SMARCAD1: variants seen among roughly 807,000 people sequenced by gnomAD.
SMARCAD1 encodes SNF2 related chromatin remodeling ATPase with DExD box 1, also known as SWI/SNF-related matrix-associated actin-dependent regulator of chromatin subfamily A containing DEAD/H box 1.
SMARCAD1 carries 25 observed loss-of-function variants against 127.1 expected under a neutral mutation model. The ratio of observed to expected loss-of-function variants is 0.20; its 90% CI spans 0.14 to 0.27. The LOEUF is 0.27. Among genes scored for constraint, SMARCAD1 ranks in the 10% least tolerant of loss-of-function variants. The pLI, the probability that SMARCAD1 is intolerant of heterozygous loss-of-function variation, is 1.00. For synonymous variants in SMARCAD1, 400 were observed against 396.9 expected (o/e 1.01, Z -0.09); for missense variants, 807 against 1,206.0 (o/e 0.67, Z 4.90).
chr4:94,268,997 T>C (rs1431982064), intron 10 of SMARCAD1, among the ~76,000 whole-genome samples: 1 of 152,156 alleles, frequency 6.6e-6, no homozygotes, highest in South Asian at 2.1e-4. Context: ...AGACCTTTTT[T>C]AAAATTCAGC....
Position 94,278,911 on chromosome 4 carries a change from GTTCTCT to G in SMARCAD1, c.2297-15_2297-10del. 1 of 1,613,328 alleles carries G rather than the reference GTTCTCT, an allele frequency of 6.2e-7. No individual in the cohort carries two copies. The highest frequency in any genetic ancestry group is 8.5e-7 in the Non-Finnish European group (1 of 1,179,488). On this transcript the variant is annotated splice_polypyrimidine_tract_variant and intron_variant, in intron 18 of 23. Coordinates refer to ENST00000354268, the MANE Select transcript of SMARCAD1 (RefSeq NM_020159.5). ...TCCGCTTGGTTTTATTTTTTACTGT[GTTCTCT>G]TTGAGTCACAGAAAAAAACACAGAA...
chr4:94,268,376 G>T (rs1752052851), intron 10 of SMARCAD1, among the ~76,000 whole-genome samples: 1 of 152,042 alleles, frequency 6.6e-6, no homozygotes, highest in African/African-American at 2.4e-5. Flanking sequence ...TGTTTATTAA[G>T]AATATTTCGT....
In SMARCAD1 at chr4:94,207,951, C is replaced by G. The variant is rs887019189; in HGVS notation, c.-169C>G. ...TTTGTGTCCCCGCAGTGTCGAGGCG[C>G]GGGCCCTGGCAGGTCCTTTCTCGAG... On this transcript the variant is annotated 5_prime_UTR_variant, in exon 1 of 24. Coordinates refer to ENST00000354268, the MANE Select transcript of SMARCAD1 (RefSeq NM_020159.5). The G allele has an allele frequency of 2.8e-6, 1 of 356,946 alleles. No individual in the cohort carries two copies. The highest frequency in any genetic ancestry group is 5.5e-6 in the Non-Finnish European group (1 of 181,340). 22.1% of individuals were successfully genotyped at this position (356,946 alleles called of 1,614,324 possible).
chr4:94,253,244 A>T (rs1170598313), intron 9 of SMARCAD1: 2 of 1,491,912 alleles, frequency 1.3e-6, no homozygotes. Context: ...GGCTGGGAAT[A>T]CTGTCACTCA....
chr4:94,279,860 C>CGAA (rs879747249), intron 19 of SMARCAD1, among the ~76,000 whole-genome samples: 45 of 151,898 alleles, frequency 3.0e-4, no homozygotes, highest in Non-Finnish European at 4.9e-4. Context: ...CCATTTTCTT[C>CGAA]CTTTTCTTTA....
At chr4:94,254,306 CTTCT>C (rs1267101221) in intron 9 of SMARCAD1, among the ~76,000 whole-genome samples, 1 of 151,912 alleles carries the variant, frequency 6.6e-6, no homozygotes, top group African/African-American at 2.4e-5. Context: ...TCTTCCTTTT[CTTCT>C]TTCTTTTAAT....
chr4:94,230,278 C>T (rs1262129249), intron 3 of SMARCAD1, among the ~76,000 whole-genome samples: 3 of 151,316 alleles, frequency 2.0e-5, no homozygotes, highest in East Asian at 1.9e-4. Flanking sequence ...GTCATACTTT[C>T]GTGTATTTTT....
intron 2 of SMARCAD1, among the ~76,000 whole-genome samples, chr4:94,222,403 G>A (rs1024807469): frequency 6.6e-6 from 1 of 152,078 alleles, no homozygotes; most frequent in Non-Finnish European, 1.5e-5. Flanking sequence ...GTTCTGAATT[G>A]GAGAAATGTT....
intron 9 of SMARCAD1, among the ~76,000 whole-genome samples, chr4:94,263,147 A>C (rs1448256946): frequency 6.6e-6 from 1 of 152,080 alleles, no homozygotes; most frequent in African/African-American, 2.4e-5. Flanking sequence ...GGTATCTAAT[A>C]GTTACTAGCA....
chr4:94,248,425 C>T (rs1748786202), intron 6 of SMARCAD1: 1 of 455,918 alleles, frequency 2.2e-6, no homozygotes, highest in South Asian at 1.6e-5. Flanking sequence ...TCTGTTCCCT[C>T]CTCAGCTGGT....
At chr4:94,255,658 A>G (rs1054531759) in intron 9 of SMARCAD1, among the ~76,000 whole-genome samples, 12 of 152,146 alleles carry the variant, frequency 7.9e-5, no homozygotes, top group Admixed American at 1.3e-4. Flanking sequence ...CTATACTACT[A>G]TGACTTATTT....
chr4:94,260,199 A>T (rs1750753212), intron 9 of SMARCAD1, among the ~76,000 whole-genome samples: 1 of 152,192 alleles, frequency 6.6e-6, no homozygotes, highest in Non-Finnish European at 1.5e-5. Context: ...AAATGCACCC[A>T]CCAATATTAT....
At chr4:94,287,549 C>G (rs1433641588) in intron 23 of SMARCAD1, among the ~76,000 whole-genome samples, 1 of 152,128 alleles carries the variant, frequency 6.6e-6, no homozygotes, top group East Asian at 1.9e-4. Flanking sequence ...GCAGCATCTC[C>G]TAAGAAATTG....
intron 2 of SMARCAD1, among the ~76,000 whole-genome samples, chr4:94,215,918 C>T (rs954251668): frequency 2.0e-5 from 3 of 151,928 alleles, no homozygotes; most frequent in Non-Finnish European, 2.9e-5. Flanking sequence ...CATGTCTCTC[C>T]GATAAATTAT....
At position 94,278,994 on chromosome 4, in the gene SMARCAD1, C is replaced by G; in HGVS notation, c.2362C>G (p.His788Asp). 2 of 1,614,036 alleles carry G rather than the reference C, an allele frequency of 1.2e-6. No individual in the cohort carries two copies. Among genetic ancestry groups the G allele is most frequent in the Non-Finnish European group, 1.7e-6 (2 of 1,179,996 alleles). ...LRKMANHPLL[H>D]RQYYTAEKLK... ...GAAAATGGCCAATCATCCTTTATTA[C>G]ATCGCCAATATTACACAGCTGAAAA... The change falls in exon 19 of 24, where the codon CAT becomes GAT. Residue 788 changes from histidine (H) to aspartate (D), a missense_variant. By Grantham distance (81) the His-to-Asp change is moderately conservative. Coordinates refer to ENST00000354268, the MANE Select transcript of SMARCAD1 (RefSeq NM_020159.5).
intron 20 of SMARCAD1, 80 bp downstream of exon 20, chr4:94,280,860 C>A: frequency 7.6e-7 from 1 of 1,314,316 alleles, no homozygotes; most frequent in Non-Finnish European, 1.1e-6. Flanking sequence ...CACTGACTTG[C>A]TTGAATTAGC....
Position 94,234,014 on chromosome 4 carries a change from T to C in SMARCAD1, c.429T>C (p.Asp143=). Residue 143 remains aspartate (D), a synonymous_variant, in exon 4 of 24, where the codon GAT becomes GAC. Transcript: ENST00000354268. The stretch of plus-strand genomic sequence containing the variant: ...TTCCTACCATGGCACGTAGAAATGA[T>C]GATATTTCAGAACTGGAAGACCTTT... ...QGLPTMARRN[D]DISELEDLSE... 1 of 1,613,796 alleles carries C rather than the reference T, an allele frequency of 6.2e-7. No homozygotes were observed. The highest frequency in any genetic ancestry group is 1.1e-5 in the South Asian group (1 of 91,080).
chr4:94,264,611 T>A, intron 9 of SMARCAD1, 96 bp from the exon 10 acceptor site: 1 of 1,089,300 alleles, frequency 9.2e-7, no homozygotes, highest in Admixed American at 2.4e-5. Context: ...AGTAAAAGTT[T>A]AAATTAGCAA....
intron 6 of SMARCAD1, among the ~76,000 whole-genome samples, chr4:94,248,789 A>C (rs923297737): frequency 1.3e-5 from 2 of 152,126 alleles, no homozygotes; most frequent in Non-Finnish European, 2.9e-5. Context: ...ATTTTACTCC[A>C]TTGTGCAGAG....
Sources: allele counts gnomAD v4.1 joint callset (sites outside exome capture counted in the v4.1 genomes callset), GRCh38; gene constraint gnomAD v4.1.1; transcripts MANE v1.5; gene names NCBI Gene and HGNC (gene_info 2026-07-23, HGNC 2026-07-21).